The following PAPPA variants were observed in gnomAD, a reference collection of about 807,000 sequenced individuals.
PAPPA encodes the protein pappalysin 1.
A neutral mutation model predicts 164.0 loss-of-function variants in PAPPA; 60 were observed. The ratio of observed to expected loss-of-function variants is 0.37; its 90% CI spans 0.30 to 0.45. The LOEUF (loss-of-function observed/expected upper bound fraction) is 0.45, where lower values mean the gene tolerates loss of function less well. PAPPA is among the 20% of genes least tolerant of loss of function. The probability of loss-of-function intolerance (pLI) is 1.00; values close to 1 mark genes in which losing one functional copy is unlikely to be tolerated. For synonymous variants in PAPPA, 875 were observed against 814.1 expected, an observed-to-expected ratio of 1.07 and a Z score of -1.27; for missense variants, 1,782 against 2,087.3, an observed-to-expected ratio of 0.85 and a Z score of 2.85.
At chr9:116,162,572 A>G (rs1015908537) in intron 1 of PAPPA, among the ~76,000 whole-genome samples, 1 of 152,178 alleles carries the variant, frequency 6.6e-6, no homozygotes, top group Non-Finnish European at 1.5e-5. Flanking sequence ...ACCTTGGGCA[A>G]GTTACTTAGT....
rs569466200 is a variant in PAPPA, at chr9:116,191,726, G to A, written c.1478+3510G>A. 2.0e-5 allele frequency among the ~76,000 whole-genome samples: 3 copies of A among 152,282 alleles called. No homozygotes were observed. In the South Asian group the frequency reaches 6.2e-4, roughly 32 times the overall value. Reference sequence around the variant, plus strand: ...GATTTGAGTAGGCATTTGAGAATAGGCAGCCTGCTGAGAGGTAAAGATGCA... The same window carrying A: ...GATTTGAGTAGGCATTTGAGAATAGACAGCCTGCTGAGAGGTAAAGATGCA... On this transcript the variant is annotated intron_variant, in intron 2 of 21. Transcript: ENST00000328252.
At chr9:116,232,574 A>G (rs10983082) in intron 6 of PAPPA, among the ~76,000 whole-genome samples, 34 of 152,352 alleles carry the variant, frequency 2.2e-4, no homozygotes, top group Admixed American at 8.5e-4. Flanking sequence ...CCTCTTCTGT[A>G]AAATGAATTT....
At chr9:116,157,558 C>T (rs974154790) in intron 1 of PAPPA, among the ~76,000 whole-genome samples, 9 of 152,142 alleles carry the variant, frequency 5.9e-5, no homozygotes, top group African/African-American at 1.9e-4. Context: ...TTACCCAAGC[C>T]AGTTTCCCTT....
In PAPPA at chr9:116,398,470, C is replaced by T. The variant is rs1211923421; in HGVS notation, c.*1854C>T. ...TCCAAGGCAGGTGTTGTTAATCTAT[C>T]ATAGCACTTAAAAAAAAAAAAAAAA... On this transcript the variant is annotated 3_prime_UTR_variant, in exon 22 of 22. Transcript: ENST00000328252. 4.1e-6 allele frequency: 3 copies of T among 724,732 alleles called. No homozygotes were observed. Among genetic ancestry groups the T allele is most frequent in the East Asian group, 6.9e-5 (1 of 14,462 alleles). The allele number at this position is 724,732 out of a possible 1,614,324, so 44.9% of individuals were successfully genotyped here. A position where few individuals can be genotyped will look rare whatever the true frequency, so the allele number is the denominator to read the frequency against.
intron 6 of PAPPA, among the ~76,000 whole-genome samples, chr9:116,231,660 CGG>C (rs1844593465): frequency 1.7e-4 from 24 of 143,292 alleles, no homozygotes; most frequent in Middle Eastern, 3.5e-3. Context: ...AATGAATGGG[CGG>C]ATGGATGGAT....
At chr9:116,184,280 T>G (rs972519198) in intron 1 of PAPPA, among the ~76,000 whole-genome samples, 1 of 151,892 alleles carries the variant, frequency 6.6e-6, no homozygotes, top group African/African-American at 2.4e-5. Context: ...TTTGAAGGAG[T>G]CAGTGGGGAG....
intron 1 of PAPPA, among the ~76,000 whole-genome samples, chr9:116,162,647 T>A (rs1215618393): frequency 6.6e-6 from 1 of 152,218 alleles, no homozygotes; most frequent in East Asian, 1.9e-4. Context: ...TTCATAGGGT[T>A]GTTTTGAAGA....
intron 9 of PAPPA, among the ~76,000 whole-genome samples, chr9:116,301,970 C>T (rs1228148824): frequency 6.6e-6 from 1 of 152,152 alleles, no homozygotes; most frequent in Non-Finnish European, 1.5e-5. Context: ...AACTGAAATC[C>T]TCTTTGGAGT....
At chr9:116,273,155 G>T (rs1048723070) in intron 9 of PAPPA, among the ~76,000 whole-genome samples, 1 of 152,202 alleles carries the variant, frequency 6.6e-6, no homozygotes, top group Non-Finnish European at 1.5e-5. Flanking sequence ...GTAGGATGGG[G>T]TGAAGGTAGG....
intron 1 of PAPPA, among the ~76,000 whole-genome samples, chr9:116,155,589 T>C (rs1025856678): frequency 1.3e-5 from 2 of 152,124 alleles, no homozygotes; most frequent in Non-Finnish European, 2.9e-5. Flanking sequence ...AGAGTAGGGG[T>C]TCCCCCTTCA....
intron 19 of PAPPA, among the ~76,000 whole-genome samples, chr9:116,369,624 T>G (rs1366053211): frequency 1.3e-5 from 2 of 152,034 alleles, no homozygotes; most frequent in African/African-American, 4.8e-5. Flanking sequence ...GCCTCCCACT[T>G]AAGACCTTTT....
chr9:116,340,521 T>G lies in PAPPA; in HGVS notation c.3612-4022T>G, dbSNP rs1448136427. 2.0e-5 allele frequency among the ~76,000 whole-genome samples: 3 copies of G among 152,228 alleles called. No homozygotes were observed. The East Asian group carries it at 5.8e-4, about 29-fold the overall frequency. On this transcript the variant is annotated intron_variant, in intron 13 of 21. Transcript: ENST00000328252. Reference sequence around the variant, plus strand: ...ATATCACTACCTCAAGGAGTTGCTGTGTGGAATGCAAATAAGGTGATGTAG... The same window carrying G: ...ATATCACTACCTCAAGGAGTTGCTGGGTGGAATGCAAATAAGGTGATGTAG...
At position 116,204,447 on chromosome 9, in the gene PAPPA, C is replaced by A. The variant is rs182657048; in HGVS notation, c.1479-3009C>A. On this transcript the variant is annotated intron_variant, in intron 2 of 21. Coordinates refer to ENST00000328252, the MANE Select transcript of PAPPA (RefSeq NM_002581.5). Reference sequence around the variant, plus strand: ...TTTTGTTTTAAGAGATGGCCTATTGCTCTATTGCCCAAGTGGGAGTACAGT... The same window carrying A: ...TTTTGTTTTAAGAGATGGCCTATTGATCTATTGCCCAAGTGGGAGTACAGT... Among the ~76,000 whole-genome samples, 209 of 152,282 alleles carry A rather than the reference C, an allele frequency of 1.4e-3. 2 individuals carry two copies. Among genetic ancestry groups the A allele is most frequent in the African/African-American group, 4.9e-3 (202 of 41,562 alleles).
At chr9:116,323,778 C>G (rs1845889017) in intron 10 of PAPPA, among the ~76,000 whole-genome samples, 2 of 152,198 alleles carry the variant, frequency 1.3e-5, no homozygotes, top group East Asian at 1.9e-4. Flanking sequence ...AGTCAACATT[C>G]TTTTCTGCAG....
intron 1 of PAPPA, among the ~76,000 whole-genome samples, chr9:116,170,908 T>C (rs1843769188): frequency 6.6e-6 from 1 of 152,124 alleles, no homozygotes; most frequent in African/African-American, 2.4e-5. Flanking sequence ...CTGAGACATC[T>C]TCACTGAACC....
At chr9:116,261,102 C>A (rs1227432556) in intron 7 of PAPPA, among the ~76,000 whole-genome samples, 31 of 152,130 alleles carry the variant, frequency 2.0e-4, no homozygotes, top group Non-Finnish European at 1.5e-5. Context: ...CCTCATCTCA[C>A]AAGGAGGATA....
intron 7 of PAPPA, among the ~76,000 whole-genome samples, chr9:116,250,157 T>C (rs1036536388): frequency 5.9e-5 from 9 of 151,880 alleles, no homozygotes; most frequent in Non-Finnish European, 1.3e-4. Context: ...GTATCGGGGG[T>C]TAATCTTCCA....
At chr9:116,182,991 A>G (rs1843924978) in intron 1 of PAPPA, among the ~76,000 whole-genome samples, 1 of 152,090 alleles carries the variant, frequency 6.6e-6, no homozygotes, top group Admixed American at 6.5e-5. Flanking sequence ...TACGCTAATT[A>G]TATGTAGATT....
At chr9:116,334,689 A>C (rs1010846967) in intron 12 of PAPPA, among the ~76,000 whole-genome samples, 172 bp from the exon 13 acceptor site, 2 of 152,164 alleles carry the variant, frequency 1.3e-5, no homozygotes, top group African/African-American at 4.8e-5. Flanking sequence ...CAAGAAAAAA[A>C]GGCAGACAAA....
Sources: gnomAD v4.1 joint callset for allele counts (sites outside exome capture counted in the v4.1 genomes callset) on GRCh38, gnomAD v4.1.1 for gene constraint, MANE v1.5 for transcripts, NCBI Gene and HGNC (gene_info 2026-07-23, HGNC 2026-07-21) for gene names.